Variants in KIAA1217 observed in about 807,000 individuals in gnomAD.
KIAA1217 encodes the protein KIAA1217, also known as sickle tail protein homolog.
In KIAA1217, 88 loss-of-function variants were observed where a neutral mutation model predicts 163.9. The ratio of observed to expected loss-of-function variants is 0.54; its 90% CI spans 0.45 to 0.64. KIAA1217 has a LOEUF of 0.64. KIAA1217 is among the 30% of genes least tolerant of loss of function. The pLI, the probability that KIAA1217 is intolerant of heterozygous loss-of-function variation, is 0.00. For synonymous variants in KIAA1217, 903 were observed against 923.1 expected (o/e 0.98, Z 0.39); for missense variants, 2,372 against 2,475.0 (o/e 0.96, Z 0.88).
intron 6 of KIAA1217, among the ~76,000 whole-genome samples, chr10:24,486,462 T>C (rs933768237): frequency 1.3e-5 from 2 of 152,196 alleles, no homozygotes; most frequent in African/African-American, 4.8e-5. Context: ...ATAAATGATT[T>C]GATTCCCCTC....
chr10:23,800,314 C>T (rs186761823), intron 1 of KIAA1217, among the ~76,000 whole-genome samples: 3 of 152,140 alleles, frequency 2.0e-5, no homozygotes, highest in East Asian at 1.9e-4. Flanking sequence ...AATAAACAAC[C>T]GAGGGAGCAA....
chr10:23,901,897 G>A (rs866075243), intron 1 of KIAA1217, among the ~76,000 whole-genome samples: 2 of 136,780 alleles, frequency 1.5e-5, no homozygotes, highest in Middle Eastern at 7.5e-3. Context: ...TTAGGTGACA[G>A]AGTGAGACTC....
At chr10:23,896,584 T>C (rs908320164) in intron 1 of KIAA1217, among the ~76,000 whole-genome samples, 2 of 152,046 alleles carry the variant, frequency 1.3e-5, no homozygotes, top group Non-Finnish European at 2.9e-5. Flanking sequence ...AGTTGGGTAA[T>C]GTATGATGAT....
chr10:23,896,693 A>G (rs1426416767), intron 1 of KIAA1217, among the ~76,000 whole-genome samples: 1 of 152,104 alleles, frequency 6.6e-6, no homozygotes, highest in East Asian at 1.9e-4. Flanking sequence ...TAATCTCTTA[A>G]GAAGTCTTGA....
chr10:23,808,204 AT>A (rs1176855236), intron 1 of KIAA1217, among the ~76,000 whole-genome samples: 3 of 152,224 alleles, frequency 2.0e-5, no homozygotes, highest in African/African-American at 7.2e-5. Context: ...ATCTACAGTC[AT>A]CACATTGGTA....
intron 2 of KIAA1217, among the ~76,000 whole-genome samples, chr10:24,039,226 C>T (rs1468735368): frequency 6.6e-6 from 1 of 152,018 alleles, no homozygotes; most frequent in East Asian, 1.9e-4. Context: ...AGCCACACTC[C>T]ACTCCACCCC....
intron 17 of KIAA1217, among the ~76,000 whole-genome samples, chr10:24,538,749 T>TG (rs2074515423): frequency 6.8e-6 from 1 of 147,498 alleles, no homozygotes; most frequent in Non-Finnish European, 1.5e-5. Flanking sequence ...TTTTTTTTTT[T>TG]TGTGAGACCG....
chr10:24,161,405 T>C (rs953447914), intron 2 of KIAA1217, among the ~76,000 whole-genome samples: 4 of 152,148 alleles, frequency 2.6e-5, no homozygotes, highest in African/African-American at 9.7e-5. Flanking sequence ...TCATCATTAG[T>C]CTTGCCTTTT....
At chr10:23,714,153 C>G (rs1446706363) in intron 1 of KIAA1217, among the ~76,000 whole-genome samples, 1 of 151,974 alleles carries the variant, frequency 6.6e-6, no homozygotes, top group Non-Finnish European at 1.5e-5. Context: ...CTAAGACCAA[C>G]CTTCTAAATA....
At chr10:23,714,728 G>C (rs1317416002) in intron 1 of KIAA1217, among the ~76,000 whole-genome samples, 1 of 152,056 alleles carries the variant, frequency 6.6e-6, no homozygotes. Flanking sequence ...TTTGCGAAGG[G>C]AACCCCAAAT....
intron 1 of KIAA1217, 69 bp from the exon 2 acceptor site, chr10:24,219,557 T>C (rs1257838884): frequency 7.6e-7 from 1 of 1,321,926 alleles, no homozygotes; most frequent in African/African-American, 1.5e-5. Flanking sequence ...GCAAACCCTC[T>C]TGGTGTTCTG....
intron 2 of KIAA1217, among the ~76,000 whole-genome samples, chr10:24,274,259 AT>A (rs772675929): frequency 1.3e-5 from 2 of 152,122 alleles, no homozygotes; most frequent in Admixed American, 6.5e-5. Flanking sequence ...TAATCCCAGC[AT>A]TTTGGGAGAC....
intron 1 of KIAA1217, among the ~76,000 whole-genome samples, chr10:23,907,748 A>G (rs907349486): frequency 7.2e-5 from 11 of 152,122 alleles, no homozygotes; most frequent in Non-Finnish European, 1.3e-4. Flanking sequence ...ACCCTCACGG[A>G]CACATTCAGA....
intron 2 of KIAA1217, among the ~76,000 whole-genome samples, chr10:24,007,729 C>T (rs1037229089): frequency 8.5e-5 from 13 of 152,118 alleles, no homozygotes; most frequent in East Asian, 1.9e-4. Flanking sequence ...AGAACATGAA[C>T]TTTTTGGCAA....
chr10:23,729,079 C>T (rs1388873642), intron 1 of KIAA1217, among the ~76,000 whole-genome samples: 1 of 152,158 alleles, frequency 6.6e-6, no homozygotes, highest in Non-Finnish European at 1.5e-5. Context: ...CTTCTTTTAT[C>T]TGCTCACATG....
intron 1 of KIAA1217, among the ~76,000 whole-genome samples, chr10:23,708,556 G>A (rs1037362753): frequency 1.3e-5 from 2 of 152,124 alleles, no homozygotes; most frequent in African/African-American, 4.8e-5. Flanking sequence ...AGCTCTGAAG[G>A]ACAGGAAGAG....
rs75647333 is a variant in KIAA1217 at position 24,060,123 on chromosome 10, C to G, written c.-171+52749C>G. On this transcript the variant is annotated intron_variant, in intron 2 of 18. Transcript: ENST00000376462. ...GGTGTGTCAATTTTGTCTTTTGCTTCGAAAACTAATTCTTAATCTCATTGA... is the reference window on the plus strand; with the variant it reads ...GGTGTGTCAATTTTGTCTTTTGCTTGGAAAACTAATTCTTAATCTCATTGA... Among the ~76,000 whole-genome samples, 507 of 151,852 alleles carry G rather than the reference C, an allele frequency of 3.3e-3. 2 individuals are homozygous for G. The highest frequency in any genetic ancestry group is 0.012 in the African/African-American group (489 of 41,410).
chr10:24,146,443 T>G (rs2064315991), intron 2 of KIAA1217, among the ~76,000 whole-genome samples: 1 of 152,184 alleles, frequency 6.6e-6, no homozygotes, highest in Non-Finnish European at 1.5e-5. Context: ...ACAATTTAAT[T>G]ATCATCAAGC....
In KIAA1217 at chr10:24,532,784, G is replaced by A. The variant is rs547034519; in HGVS notation, c.3247-286G>A. Among the ~76,000 whole-genome samples, 164 of 152,308 alleles carry A rather than the reference G, an allele frequency of 1.1e-3. 3 individuals are homozygous for A. The highest frequency in any genetic ancestry group is 3.7e-3 in the African/African-American group (152 of 41,566). On this transcript the variant is annotated intron_variant, in intron 15 of 20. Coordinates refer to ENST00000376454, the MANE Select transcript of KIAA1217 (RefSeq NM_019590.5). ...ACACGTGGGAATTACGGGAGCTACA[G>A]TTCAAGATGAGATTTGGGTGGGGTC...
Sources: gnomAD v4.1 joint callset for allele counts (sites outside exome capture counted in the v4.1 genomes callset) on GRCh38, gnomAD v4.1.1 for gene constraint, MANE v1.5 for transcripts, NCBI Gene and HGNC (gene_info 2026-07-23, HGNC 2026-07-21) for gene names.